DLG5: variants seen among roughly 807,000 people sequenced by gnomAD.
DLG5 encodes the protein discs large MAGUK scaffold protein 5.
A neutral mutation model predicts 189.8 loss-of-function variants in DLG5; 48 were observed. That is an observed-to-expected ratio of 0.25 (90% CI 0.20 to 0.32). The LOEUF is 0.32. Ranked by LOEUF, DLG5 falls within the 10% of genes least tolerant of loss-of-function variation. The pLI, the probability that DLG5 is intolerant of heterozygous loss-of-function variation, is 1.00. For synonymous variants in DLG5, 1,016 were observed against 1,054.1 expected (o/e 0.96, Z 0.70); for missense variants, 2,160 against 2,544.7 (o/e 0.85, Z 3.25).
At chr10:77,882,778 C>A (rs1040703361) in intron 1 of DLG5, among the ~76,000 whole-genome samples, 2 of 149,128 alleles carry the variant, frequency 1.3e-5, no homozygotes, top group Admixed American at 1.3e-4. Context: ...AAAAAGTCAG[C>A]CTGGTGTGGT....
intron 5 of DLG5, 95 bp from the exon 6 acceptor site, chr10:77,843,801 T>A: frequency 1.3e-6 from 2 of 1,533,696 alleles, no homozygotes; most frequent in Non-Finnish European, 1.8e-6. Context: ...GTGAGACTGA[T>A]GACAAGGCGG....
At chr10:77,793,837 C>T (rs1447295890) in intron 31 of DLG5, 171 bp downstream of exon 31, 6 of 622,160 alleles carry the variant, frequency 9.6e-6, no homozygotes, top group Non-Finnish European at 1.4e-5. Flanking sequence ...AGAATCCTGA[C>T]GTTGGCCAGG....
intron 2 of DLG5, chr10:77,866,808 C>T (rs1033859810): frequency 3.0e-5 from 11 of 370,120 alleles, no homozygotes; most frequent in African/African-American, 2.1e-4. Flanking sequence ...GGAGCTCATA[C>T]ATTTCCTGAT....
intron 2 of DLG5, among the ~76,000 whole-genome samples, chr10:77,863,020 C>T (rs1460790902): frequency 1.3e-5 from 2 of 152,148 alleles, no homozygotes; most frequent in Non-Finnish European, 2.9e-5. Flanking sequence ...TTTGTCAAAA[C>T]TTGAACTGTA....
chr10:77,841,673 G>A (rs925371308), intron 7 of DLG5, among the ~76,000 whole-genome samples: 2 of 152,258 alleles, frequency 1.3e-5, no homozygotes, highest in South Asian at 2.1e-4. Flanking sequence ...TCTCCCTCCC[G>A]CCTTGTCCCC....
chr10:77,874,110 T>G (rs1845009770), intron 1 of DLG5, among the ~76,000 whole-genome samples: 1 of 152,232 alleles, frequency 6.6e-6, no homozygotes, highest in Non-Finnish European at 1.5e-5. Flanking sequence ...AGCATGGCAC[T>G]GGGCCAGGTT....
intron 1 of DLG5, among the ~76,000 whole-genome samples, chr10:77,900,262 C>G (rs1845884486): frequency 6.6e-6 from 1 of 152,136 alleles, no homozygotes; most frequent in Non-Finnish European, 1.5e-5. Context: ...TACCTCCTCT[C>G]CAGGTCATCT....
At chr10:77,842,931 T>A (rs12263097) in intron 6 of DLG5, among the ~76,000 whole-genome samples, 20,604 of 152,000 alleles carry the variant, frequency 0.14, 4,480 homozygotes, top group African/African-American at 0.46. Flanking sequence ...GCACTTTTCA[T>A]GTGAAACTGC....
At chr10:77,883,543 G>C (rs375631498) in intron 1 of DLG5, among the ~76,000 whole-genome samples, 5 of 152,008 alleles carry the variant, frequency 3.3e-5, no homozygotes, top group African/African-American at 1.2e-4. Context: ...GACAAGCCCA[G>C]AGTCACTAAT....
chr10:77,795,082 C>T (rs1190451779), intron 29 of DLG5, 124 bp from the exon 30 acceptor site: 1 of 691,808 alleles, frequency 1.4e-6, no homozygotes, highest in East Asian at 2.7e-5. Flanking sequence ...AGTAAAGCCA[C>T]ACAGTACACC....
chr10:77,850,068 A>G (rs1843890056), intron 5 of DLG5, among the ~76,000 whole-genome samples: 1 of 152,166 alleles, frequency 6.6e-6, no homozygotes, highest in South Asian at 2.1e-4. Flanking sequence ...TATAATTTAC[A>G]TACCACACAA....
intron 20 of DLG5, among the ~76,000 whole-genome samples, chr10:77,813,657 A>T (rs1315093781): frequency 2.0e-5 from 3 of 152,112 alleles, no homozygotes; most frequent in African/African-American, 7.2e-5. Context: ...GCCTTAGATG[A>T]TGAAACAGAG....
intron 1 of DLG5, among the ~76,000 whole-genome samples, chr10:77,901,919 A>G (rs1845939171): frequency 6.6e-6 from 1 of 152,170 alleles, no homozygotes; most frequent in Non-Finnish European, 1.5e-5. Flanking sequence ...TCATCTTATG[A>G]CATTAGTAAG....
chr10:77,877,353 T>C (rs1407326213), intron 1 of DLG5, among the ~76,000 whole-genome samples: 5 of 150,842 alleles, frequency 3.3e-5, no homozygotes, highest in Non-Finnish European at 5.9e-5. Flanking sequence ...TAAAAAAAAA[T>C]AAAATAAAAC....
At position 77,832,754 on chromosome 10, in the gene DLG5, T is replaced by A. The variant is rs1196646549; in HGVS notation, c.1748+1160A>T. Reference sequence around the variant, plus strand: ...ACTCTGGCCCAAACAAGAGGCAAAATGTCCCATGTTCACGGCCAGAGATTC... The same window carrying A: ...ACTCTGGCCCAAACAAGAGGCAAAAAGTCCCATGTTCACGGCCAGAGATTC... On this transcript the variant is annotated intron_variant, in intron 9 of 31. Coordinates refer to ENST00000372391, the MANE Select transcript of DLG5 (RefSeq NM_004747.4). Among the ~76,000 whole-genome samples the A allele has an allele frequency of 2.6e-5, 4 of 152,228 alleles. No homozygotes were observed. The South Asian group carries it at 8.3e-4, about 32-fold the overall frequency.
chr10:77,828,794 A>T, intron 13 of DLG5, 88 bp downstream of exon 13: 1 of 1,292,130 alleles, frequency 7.7e-7, no homozygotes, highest in Non-Finnish European at 1.1e-6. Context: ...AAAATATAAA[A>T]ACTTTGCTCA....
Position 77,819,968 on chromosome 10 carries a change from C to G in DLG5, c.3453G>C (p.Glu1151Asp). Residue 1151 changes from glutamate (E) to aspartate (D), a missense_variant, in exon 16 of 32, where the codon GAG (glutamate) becomes GAC (aspartate). Glu to Asp is a conservative substitution (Grantham distance 45, BLOSUM62 2). Transcript: ENST00000372391. The part of the protein sequence containing the change: ...ASGELSPELQ[E>D]WAPYSPGHSS... Reference sequence around the variant, plus strand: ...AATGCCCAGGCGAGTAAGGTGCCCACTCCTGGAGCTCCGGGGAGAGTTCTC... The same window carrying G: ...AATGCCCAGGCGAGTAAGGTGCCCAGTCCTGGAGCTCCGGGGAGAGTTCTC... 6.2e-7 allele frequency: 1 copy of G among 1,612,996 alleles called. No individual in the cohort carries two copies.
At chr10:77,934,347 G>A in the DLG5 span, among the ~76,000 whole-genome samples, 1 of 138,250 alleles carries the variant, frequency 7.2e-6, no homozygotes, top group Admixed American at 7.8e-5. Flanking sequence ...CTCCATCCTG[G>A]GCAATAAGAG....
intron 2 of DLG5, among the ~76,000 whole-genome samples, chr10:77,862,320 C>A (rs188415269): frequency 2.0e-5 from 3 of 152,310 alleles, no homozygotes; most frequent in Admixed American, 2.0e-4. Context: ...TTGATCTAAC[C>A]CCTAAGGGCC....
Sources: allele counts gnomAD v4.1 joint callset (sites outside exome capture counted in the v4.1 genomes callset), GRCh38; gene constraint gnomAD v4.1.1; transcripts MANE v1.5; gene names NCBI Gene and HGNC (gene_info 2026-07-23, HGNC 2026-07-21).